TNFAIP8: variants seen among roughly 807,000 people sequenced by gnomAD.
The protein encoded by TNFAIP8 is tumor necrosis factor alpha-induced protein 8.
A neutral mutation model predicts 13.3 loss-of-function variants in TNFAIP8; 7 were observed. The observed-to-expected ratio is 0.52, with a 90% confidence interval of 0.30 to 0.99. The LOEUF is 0.99. TNFAIP8 is among the 50% of genes least tolerant of loss of function. TNFAIP8 has a pLI of 0.07. For missense variants in TNFAIP8, 258 were observed against 236.9 expected, an observed-to-expected ratio of 1.09 and a Z score of -0.58; for synonymous variants, 94 against 87.6, an observed-to-expected ratio of 1.07 and a Z score of -0.41.
chr5:119,278,079 C>T (rs192193398), intron 1 of TNFAIP8, among the ~76,000 whole-genome samples: 28 of 152,164 alleles, frequency 1.8e-4, no homozygotes, highest in African/African-American at 6.0e-4. Flanking sequence ...TCATAACAAT[C>T]GGGATGTTTT....
At chr5:119,320,247 T>C (rs1342034279) in intron 1 of TNFAIP8, among the ~76,000 whole-genome samples, 2 of 152,188 alleles carry the variant, frequency 1.3e-5, no homozygotes, top group Non-Finnish European at 2.9e-5. Flanking sequence ...GAATTTCAGA[T>C]TCATTGGTTC....
chr5:119,382,253 C>G (rs1052106209), intron 1 of TNFAIP8, among the ~76,000 whole-genome samples: 1 of 152,224 alleles, frequency 6.6e-6, no homozygotes, highest in Non-Finnish European at 1.5e-5. Flanking sequence ...AATGTTTCCA[C>G]TCTTTGCTAC....
chr5:119,380,657 A>G (rs567706359), intron 1 of TNFAIP8, among the ~76,000 whole-genome samples: 1 of 152,360 alleles, frequency 6.6e-6, no homozygotes, highest in South Asian at 2.1e-4. Flanking sequence ...TTTAATTTCA[A>G]AAGACAAAGG....
At chr5:119,351,746 T>C (rs1435037076), upstream of TNFAIP8, among the ~76,000 whole-genome samples, 1 of 151,990 alleles carries the variant, frequency 6.6e-6, no homozygotes, top group Non-Finnish European at 1.5e-5. Context: ...TTCTAGTATA[T>C]ACAATTTTCT....
intron 1 of TNFAIP8, among the ~76,000 whole-genome samples, chr5:119,275,209 G>T (rs1177234756): frequency 6.6e-6 from 1 of 151,894 alleles, no homozygotes. Context: ...CAAGCAACCA[G>T]GTCAAGAACA....
intron 1 of TNFAIP8, among the ~76,000 whole-genome samples, chr5:119,335,649 A>G (rs1750528316): frequency 6.6e-6 from 1 of 152,050 alleles, no homozygotes; most frequent in Admixed American, 6.6e-5. Context: ...CCAGCCATCC[A>G]TGGACATATC....
rs185453867 is a variant in TNFAIP8 at position 119,356,100 on chromosome 5, G to A, written c.10G>A (p.Glu4Lys). The change falls in exon 1 of 2, where the codon GAA becomes AAA. Residue 4 changes from glutamate (E) to lysine (K), a missense_variant. Transcript: ENST00000504771. The part of the protein sequence containing the change: MHS[E>K]AEESKEVATD... ...TGGTTATCCTGACATTATGCACTCC[G>A]AAGCAGAAGAATCCAAGGAAGGTAG... 1.9e-4 allele frequency: 295 copies of A among 1,587,524 alleles called. No individual in the cohort carries two copies. Among genetic ancestry groups the A allele is most frequent in the Middle Eastern group, 1.2e-3 (7 of 5,998 alleles).
At position 119,275,829 on chromosome 5, in the gene TNFAIP8, C is replaced by T. The variant is rs935244325; in HGVS notation, c.1+6922C>T. 1.4e-3 allele frequency among the ~76,000 whole-genome samples: 201 copies of T among 148,480 alleles called. 1 individual carries two copies. The highest frequency in any genetic ancestry group is 4.9e-3 in the African/African-American group (195 of 40,038). ...TTAGTAGATTGACAGCTTTTTTTTTCCCCTCTAGATTTAAATATTTGAACA... is the reference window on the plus strand; with the variant it reads ...TTAGTAGATTGACAGCTTTTTTTTTTCCCTCTAGATTTAAATATTTGAACA... On this transcript the variant is annotated intron_variant, in intron 1 of 1. Transcript: ENST00000274456.
rs1014161445 is a variant in TNFAIP8 at position 119,394,396 on chromosome 5, TTTG to T, written c.*1018_*1020del. 6.6e-6 allele frequency: 1 copy of T among 152,180 alleles called. No individual in the cohort carries two copies. The highest frequency in any genetic ancestry group is 2.4e-5 in the African/African-American group (1 of 41,416). 9.4% of individuals were successfully genotyped at this position (152,180 alleles called of 1,614,324 possible). A position where few individuals can be genotyped will look rare whatever the true frequency, so the allele number is the denominator to read the frequency against. On this transcript the variant is annotated 3_prime_UTR_variant, in exon 2 of 2. Coordinates refer to ENST00000504771, the MANE Select transcript of TNFAIP8 (RefSeq NM_014350.4). Reference sequence around the variant, plus strand: ...ACTTTTTTATTTAACTGATAAGATTTTTGTTATTTTTTACTTTGATAAGTAAAC... The same window carrying T: ...ACTTTTTTATTTAACTGATAAGATTTTTATTTTTTACTTTGATAAGTAAAC...
chr5:119,379,900 C>T (rs988743744), intron 1 of TNFAIP8, among the ~76,000 whole-genome samples: 2 of 152,158 alleles, frequency 1.3e-5, no homozygotes, highest in African/African-American at 4.8e-5. Flanking sequence ...GCCTGTGCTC[C>T]TTCTTTTTAG....
rs2112882960 is a variant in TNFAIP8, at chr5:119,398,046, A to G, written c.*4665A>G. 6.6e-6 allele frequency: 1 copy of G among 152,320 alleles called. No homozygotes were observed. The highest frequency in any genetic ancestry group is 2.4e-5 in the African/African-American group (1 of 41,552). 9.4% of individuals were successfully genotyped at this position (152,320 alleles called of 1,614,324 possible). A position where few individuals can be genotyped will look rare whatever the true frequency, so the allele number is the denominator to read the frequency against. On this transcript the variant is annotated 3_prime_UTR_variant, in exon 2 of 2. Coordinates refer to ENST00000504771, the MANE Select transcript of TNFAIP8 (RefSeq NM_014350.4). The stretch of plus-strand genomic sequence containing the variant: ...AGTCAGCATTCACAATTAAGAGAAA[A>G]ACATCTGTGCTTTGGAAAATGTTCT...
chr5:119,355,544 A>C (rs1751359391), upstream of TNFAIP8: 2 of 580,184 alleles, frequency 3.4e-6, no homozygotes, highest in East Asian at 2.9e-5. Flanking sequence ...TAAAATCCGT[A>C]ATTTTTGGGT....
chr5:119,357,416 AG>A (rs1461761328), intron 1 of TNFAIP8, among the ~76,000 whole-genome samples: 1 of 152,264 alleles, frequency 6.6e-6, no homozygotes, highest in East Asian at 1.9e-4. Context: ...AGTCAAAGGT[AG>A]TTGAAGGCAA....
intron 1 of TNFAIP8, among the ~76,000 whole-genome samples, chr5:119,337,877 A>G (rs924675471): frequency 4.6e-5 from 7 of 152,222 alleles, no homozygotes; most frequent in African/African-American, 7.2e-5. Flanking sequence ...GGAATTCAGC[A>G]TCTCAGCTGT....
At chr5:119,273,368 A>G (rs967082101) in intron 1 of TNFAIP8, among the ~76,000 whole-genome samples, 1 of 152,214 alleles carries the variant, frequency 6.6e-6, no homozygotes, top group African/African-American at 2.4e-5. Context: ...AACTTGTGTC[A>G]TATGTGATTT....
intron 1 of TNFAIP8, among the ~76,000 whole-genome samples, chr5:119,312,547 C>G (rs555857359): frequency 1.3e-5 from 2 of 151,794 alleles, no homozygotes; most frequent in East Asian, 3.9e-4. Flanking sequence ...ACTCAAATGA[C>G]ACCGCCAGAG....
intron 1 of TNFAIP8, among the ~76,000 whole-genome samples, chr5:119,298,844 C>T (rs1749267470): frequency 6.6e-6 from 1 of 152,182 alleles, no homozygotes; most frequent in Non-Finnish European, 1.5e-5. Flanking sequence ...CTTCTCACTT[C>T]ATTTCATTCA....
intron 1 of TNFAIP8, among the ~76,000 whole-genome samples, chr5:119,280,944 C>A (rs1748608562): frequency 6.6e-6 from 1 of 151,628 alleles, no homozygotes; most frequent in Non-Finnish European, 1.5e-5. Context: ...GGAATTAAAT[C>A]TTTTTTATAG....
At chr5:119,391,972 A>G (rs1752910813) in intron 1 of TNFAIP8, among the ~76,000 whole-genome samples, 1 of 152,254 alleles carries the variant, frequency 6.6e-6, no homozygotes. Context: ...TTATAATTCC[A>G]AAAGTAAACT....
Sources: allele counts gnomAD v4.1 joint callset (sites outside exome capture counted in the v4.1 genomes callset), GRCh38; gene constraint gnomAD v4.1.1; transcripts MANE v1.5; gene names NCBI Gene and HGNC (gene_info 2026-07-23, HGNC 2026-07-21).